Variants in KCNH7 observed in about 807,000 individuals in gnomAD.
The protein encoded by KCNH7 is voltage-gated inwardly rectifying potassium channel KCNH7.
KCNH7 carries 49 observed loss-of-function variants against 120.8 expected under a neutral mutation model. That is an observed-to-expected ratio of 0.41 (90% CI 0.32 to 0.51). The LOEUF (loss-of-function observed/expected upper bound fraction) is 0.51, where lower values mean the gene tolerates loss of function less well. KCNH7 is among the 20% of genes least tolerant of loss of function. The pLI, the probability that KCNH7 is intolerant of heterozygous loss-of-function variation, is 0.38. For missense variants in KCNH7, 1,097 were observed against 1,446.6 expected, an observed-to-expected ratio of 0.76 and a Z score of 3.92; for synonymous variants, 547 against 516.1, an observed-to-expected ratio of 1.06 and a Z score of -0.81.
intron 8 of KCNH7, among the ~76,000 whole-genome samples, chr2:162,424,441 G>C (rs1028913657): frequency 6.6e-6 from 1 of 152,048 alleles, no homozygotes; most frequent in African/African-American, 2.4e-5. Context: ...GTCACATCAC[G>C]ATATATATTC....
At chr2:162,653,936 T>A (rs928910811) in intron 2 of KCNH7, among the ~76,000 whole-genome samples, 1 of 152,046 alleles carries the variant, frequency 6.6e-6, no homozygotes, top group African/African-American at 2.4e-5. Context: ...CAACTGGCCA[T>A]CCACATGCAG....
At chr2:162,628,689 C>T (rs1284174339) in intron 2 of KCNH7, among the ~76,000 whole-genome samples, 1 of 151,716 alleles carries the variant, frequency 6.6e-6, no homozygotes, top group Non-Finnish European at 1.5e-5. Context: ...TAAGAACATG[C>T]AGTATTTGTT....
chr2:162,766,814 T>C (rs1279851857), intron 2 of KCNH7, among the ~76,000 whole-genome samples: 1 of 138,430 alleles, frequency 7.2e-6, no homozygotes, highest in Non-Finnish European at 1.5e-5. Flanking sequence ...ATTTGATGCT[T>C]CTAGTGAATC....
At chr2:162,747,599 A>G (rs931043272) in intron 2 of KCNH7, among the ~76,000 whole-genome samples, 7 of 152,186 alleles carry the variant, frequency 4.6e-5, no homozygotes, top group African/African-American at 1.7e-4. Flanking sequence ...ATTCCACCCA[A>G]TAGTCTAGTT....
At chr2:162,694,023 C>T (rs1299642847) in intron 2 of KCNH7, among the ~76,000 whole-genome samples, 2 of 151,996 alleles carry the variant, frequency 1.3e-5, no homozygotes, top group Non-Finnish European at 2.9e-5. Context: ...TTTTCAAAGT[C>T]CCTTAGAGAA....
intron 2 of KCNH7, among the ~76,000 whole-genome samples, chr2:162,720,950 C>T (rs1300181513): frequency 6.6e-6 from 1 of 152,114 alleles, no homozygotes; most frequent in Non-Finnish European, 1.5e-5. Context: ...TTTTCTCTAT[C>T]ATTTTCTTAA....
In KCNH7 at chr2:162,511,922, G is replaced by A. The variant is rs142048749; in HGVS notation, c.913+732C>T. Among the ~76,000 whole-genome samples the A allele has an allele frequency of 6.2e-3, 937 of 151,662 alleles. 9 individuals carry two copies. Among genetic ancestry groups the A allele is most frequent in the African/African-American group, 0.019 (794 of 41,420 alleles). ...TATGTTGAAAGACCAAATCCCAATG[G>A]TTTTCAATTTGATGATAATAATATG... On this transcript the variant is annotated intron_variant, in intron 5 of 15. Coordinates refer to ENST00000332142, the MANE Select transcript of KCNH7 (RefSeq NM_033272.4).
chr2:162,680,976 A>T (rs1685691227), intron 2 of KCNH7, among the ~76,000 whole-genome samples: 1 of 151,758 alleles, frequency 6.6e-6, no homozygotes. Flanking sequence ...TGTATATATA[A>T]AATCCTTTTT....
At position 162,836,709 on chromosome 2, in the gene KCNH7, G is replaced by A; in HGVS notation, c.135C>T (p.Asn45=). Residue 45 remains asparagine, a synonymous_variant, in exon 2 of 16, where the codon AAC becomes AAT. Coordinates refer to ENST00000332142, the MANE Select transcript of KCNH7 (RefSeq NM_033272.4). ...RVQNCAIIYC[N]DGFCEMTGFS... is the part of the protein sequence containing the mutation. The stretch of plus-strand genomic sequence containing the variant: ...AACCAGTCATCTCACAGAACCCATC[G>A]TTGCAATAAATGATGGCACAGTTCT... 1.9e-6 allele frequency: 3 copies of A among 1,614,000 alleles called. No homozygotes were observed. The highest frequency in any genetic ancestry group is 2.2e-5 in the South Asian group (2 of 91,082).
chr2:162,741,768 T>C (rs1489439192), intron 2 of KCNH7, among the ~76,000 whole-genome samples: 1 of 152,174 alleles, frequency 6.6e-6, no homozygotes, highest in African/African-American at 2.4e-5. Context: ...CTTTCCTACA[T>C]CATTAGAACC....
At chr2:162,601,969 G>A (rs1484546532) in intron 2 of KCNH7, among the ~76,000 whole-genome samples, 2 of 152,056 alleles carry the variant, frequency 1.3e-5, no homozygotes, top group Non-Finnish European at 2.9e-5. Context: ...ATAAGAATTT[G>A]AATGCTATAA....
chr2:162,715,435 A>C (rs970603544), intron 2 of KCNH7, among the ~76,000 whole-genome samples: 5 of 152,142 alleles, frequency 3.3e-5, no homozygotes, highest in African/African-American at 1.2e-4. Flanking sequence ...ATTCATCATG[A>C]GATTTGGGTG....
chr2:162,593,576 G>A lies in KCNH7; in HGVS notation c.308-56496C>T, dbSNP rs571835866. ...TATTGTTCTTTGGTTATTGAAGCTG[G>A]AATAGTGTAGGCAGCAATAAGAATC... On this transcript the variant is annotated intron_variant, in intron 2 of 15. Coordinates refer to ENST00000332142, the MANE Select transcript of KCNH7 (RefSeq NM_033272.4). Among the ~76,000 whole-genome samples, 6 of 152,108 alleles carry A rather than the reference G, an allele frequency of 3.9e-5. No individual in the cohort carries two copies. The East Asian group carries it at 9.7e-4, about 25-fold the overall frequency.
intron 2 of KCNH7, among the ~76,000 whole-genome samples, chr2:162,670,422 G>A (rs929961582): frequency 1.5e-4 from 20 of 131,448 alleles, no homozygotes; most frequent in African/African-American, 5.9e-4. Context: ...GCAGTGGGCT[G>A]AGATCATACC....
intron 2 of KCNH7, among the ~76,000 whole-genome samples, chr2:162,729,532 C>T (rs537135406): frequency 6.6e-6 from 1 of 151,912 alleles, no homozygotes; most frequent in African/African-American, 2.4e-5. Context: ...GATTTGGTAA[C>T]CTCATTAATT....
chr2:162,435,641 T>C lies in KCNH7; in HGVS notation c.1555-44A>G, dbSNP rs542538032. 3 of 1,523,762 alleles carry C rather than the reference T, an allele frequency of 2.0e-6. No individual in the cohort carries two copies. The East Asian group carries it at 6.8e-5, about 35-fold the overall frequency. 94.4% of individuals were successfully genotyped at this position (1,523,762 alleles called of 1,614,324 possible). A position where few individuals can be genotyped will look rare whatever the true frequency, so the allele number is the denominator to read the frequency against. ...ACAGTCAGAAACGGTCGGCAAACAA[T>C]TCAAAGTACATTCATATGAAGCAAA... is the stretch of plus-strand genomic sequence containing the variant. On this transcript the variant is annotated intron_variant, in intron 7 of 15. Transcript: ENST00000332142.
intron 6 of KCNH7, among the ~76,000 whole-genome samples, chr2:162,458,705 C>T (rs1014514480): frequency 2.6e-5 from 4 of 151,962 alleles, no homozygotes; most frequent in African/African-American, 7.3e-5. Context: ...AGAGGAACCA[C>T]GTGAGAAATG....
intron 2 of KCNH7, among the ~76,000 whole-genome samples, chr2:162,594,773 C>T (rs1442364363): frequency 6.6e-6 from 1 of 151,886 alleles, no homozygotes; most frequent in African/African-American, 2.4e-5. Flanking sequence ...TTAAAGTATA[C>T]TGGAGGATAT....
chr2:162,408,224 G>A (rs1687287068), intron 9 of KCNH7, among the ~76,000 whole-genome samples: 2 of 151,982 alleles, frequency 1.3e-5, no homozygotes, highest in South Asian at 2.1e-4. Context: ...TTATAGAAAA[G>A]TAATAAAGGA....
Sources: allele counts gnomAD v4.1 joint callset (sites outside exome capture counted in the v4.1 genomes callset), GRCh38; gene constraint gnomAD v4.1.1; transcripts MANE v1.5; gene names NCBI Gene and HGNC (gene_info 2026-07-23, HGNC 2026-07-21).